RALGAPA2: variants seen among roughly 807,000 people sequenced by gnomAD.
RALGAPA2 encodes the protein Ral GTPase activating protein catalytic subunit alpha 2.
In RALGAPA2, 139 loss-of-function variants were observed where a neutral mutation model predicts 230.4. The ratio of observed to expected loss-of-function variants is 0.60; its 90% CI spans 0.53 to 0.69. RALGAPA2 has a LOEUF of 0.69. Among genes scored for constraint, RALGAPA2 ranks in the 30% least tolerant of loss-of-function variants. The pLI is 0.00. For synonymous variants in RALGAPA2, 847 were observed against 837.8 expected, an observed-to-expected ratio of 1.01 and a Z score of -0.19; for missense variants, 2,163 against 2,276.0, an observed-to-expected ratio of 0.95 and a Z score of 1.01.
Position 20,571,496 on chromosome 20 carries a change from A to G in RALGAPA2, c.3118T>C (p.Tyr1040His). 6.2e-7 allele frequency: 1 copy of G among 1,612,790 alleles called. No homozygotes were observed. Among genetic ancestry groups the G allele is most frequent in the Non-Finnish European group, 8.5e-7 (1 of 1,179,548 alleles). The change falls in exon 23 of 40, where the codon TAC becomes CAC. Residue 1040 changes from tyrosine to histidine, a missense_variant. By Grantham distance (83) the Tyr-to-His change is moderately conservative. Coordinates refer to ENST00000202677, the MANE Select transcript of RALGAPA2 (RefSeq NM_020343.4). ...GTTAATCCCAGGTGCATCACAAGGT[A>G]AAAATGCACCAGGAAATCTGAGTTT... is the stretch of plus-strand genomic sequence containing the variant. ...LPNSDFLVHF[Y>H]LVMHLGLTSE...
rs531156200 is a variant in RALGAPA2 at position 20,607,268 on chromosome 20, A to C, written c.1801-1856T>G. ...AGACAGGCCTATTCTGACCACCTGG[A>C]AAATCTTATTTAAAGTGGTCCTTCT... On this transcript the variant is annotated intron_variant, in intron 14 of 39. Transcript: ENST00000202677. Among the ~76,000 whole-genome samples, 15 of 152,338 alleles carry C rather than the reference A, an allele frequency of 9.8e-5. No individual in the cohort carries two copies. In the South Asian group the frequency reaches 3.1e-3, roughly 32 times the overall value.
At chr20:20,445,995 T>C (rs2060852469) in intron 37 of RALGAPA2, among the ~76,000 whole-genome samples, 1 of 152,178 alleles carries the variant, frequency 6.6e-6, no homozygotes, top group African/African-American at 2.4e-5. Context: ...CATAGTCCAT[T>C]TTCTTCTTAG....
At chr20:20,519,862 C>G (rs1277102781) in intron 31 of RALGAPA2, among the ~76,000 whole-genome samples, 1 of 152,072 alleles carries the variant, frequency 6.6e-6, no homozygotes, top group Non-Finnish European at 1.5e-5. Flanking sequence ...ACACTTCACA[C>G]CTACATCTCT....
At chr20:20,448,010 G>T (rs1458944899) in intron 37 of RALGAPA2, among the ~76,000 whole-genome samples, 2 of 152,066 alleles carry the variant, frequency 1.3e-5, no homozygotes, top group Non-Finnish European at 2.9e-5. Flanking sequence ...TGGAACATGG[G>T]GTACTTAATG....
intron 1 of RALGAPA2, among the ~76,000 whole-genome samples, chr20:20,705,662 GTTGTTTTGTT>G (rs550201915): frequency 2.0e-5 from 3 of 151,854 alleles, no homozygotes; most frequent in South Asian, 2.1e-4. Context: ...TGTTGTTGTT[GTTGTTTTGTT>G]TTGTTTTGTT....
intron 36 of RALGAPA2, among the ~76,000 whole-genome samples, chr20:20,482,822 G>A (rs2061811585): frequency 1.3e-5 from 2 of 152,166 alleles, no homozygotes; most frequent in African/African-American, 4.8e-5. Flanking sequence ...GTACGGAAAT[G>A]CATACAGATA....
intron 35 of RALGAPA2, among the ~76,000 whole-genome samples, chr20:20,500,138 C>T (rs979902057): frequency 6.6e-6 from 1 of 152,054 alleles, no homozygotes; most frequent in Non-Finnish European, 1.5e-5. Flanking sequence ...AGGGTTTTGC[C>T]TTGATGTTGT....
At chr20:20,549,683 CAAA>C (rs1194441751) in intron 23 of RALGAPA2, among the ~76,000 whole-genome samples, 2 of 152,166 alleles carry the variant, frequency 1.3e-5, no homozygotes, top group East Asian at 1.9e-4. Context: ...ACGTGGTACT[CAAA>C]GAAGAGCCGC....
At chr20:20,426,694 C>T (rs562272963) in intron 37 of RALGAPA2, among the ~76,000 whole-genome samples, 40 of 152,302 alleles carry the variant, frequency 2.6e-4, no homozygotes, top group African/African-American at 7.0e-4. Flanking sequence ...ACACAGCATA[C>T]GGGATGCCCT....
At chr20:20,505,014 T>G in intron 34 of RALGAPA2, 1 of 985,148 alleles carries the variant, frequency 1.0e-6, no homozygotes, top group Non-Finnish European at 1.2e-6. Context: ...ATTGCAACTT[T>G]TGACTTCATC....
chr20:20,595,861 T>C (rs931927870), intron 16 of RALGAPA2, among the ~76,000 whole-genome samples: 1 of 151,876 alleles, frequency 6.6e-6, no homozygotes, highest in Non-Finnish European at 1.5e-5. Flanking sequence ...AGCAGGAGAA[T>C]TGCTTGAACT....
chr20:20,502,348 G>A (rs986011761), intron 35 of RALGAPA2, among the ~76,000 whole-genome samples: 1 of 152,192 alleles, frequency 6.6e-6, no homozygotes, highest in Non-Finnish European at 1.5e-5. Flanking sequence ...GGCTAACGGG[G>A]CAGGGGGAAA....
At chr20:20,704,340 C>T (rs189482745) in intron 1 of RALGAPA2, among the ~76,000 whole-genome samples, 2 of 152,288 alleles carry the variant, frequency 1.3e-5, no homozygotes, top group Non-Finnish European at 2.9e-5. Flanking sequence ...CCTATATAAA[C>T]TCAAATTCCT....
At chr20:20,439,322 C>CCCA (rs897973741) in intron 37 of RALGAPA2, among the ~76,000 whole-genome samples, 5 of 152,116 alleles carry the variant, frequency 3.3e-5, no homozygotes, top group African/African-American at 1.2e-4. Context: ...AAGCGATCCT[C>CCCA]CCACCTCAGC....
chr20:20,693,725 AC>A (rs1208413929), intron 1 of RALGAPA2, among the ~76,000 whole-genome samples: 1 of 152,072 alleles, frequency 6.6e-6, no homozygotes, highest in African/African-American at 2.4e-5. Flanking sequence ...TACCATTCTT[AC>A]CCCCACTAGA....
intron 9 of RALGAPA2, among the ~76,000 whole-genome samples, chr20:20,631,027 A>G (rs373062111): frequency 1.3e-5 from 2 of 152,286 alleles, no homozygotes; most frequent in Admixed American, 6.5e-5. Context: ...TTTCATCTAC[A>G]TGGACTGTAT....
At chr20:20,504,656 G>T (rs1430633209) in intron 34 of RALGAPA2, among the ~76,000 whole-genome samples, 2 of 152,068 alleles carry the variant, frequency 1.3e-5, no homozygotes, top group Non-Finnish European at 2.9e-5. Flanking sequence ...AACCCGGGAG[G>T]TGGAGGTTGC....
chr20:20,678,692 T>C (rs573343132), intron 2 of RALGAPA2, among the ~76,000 whole-genome samples: 7 of 152,180 alleles, frequency 4.6e-5, no homozygotes, highest in African/African-American at 1.7e-4. Flanking sequence ...CTCAATAACC[T>C]TCCCGTGACC....
rs181459702 is a variant in RALGAPA2, at chr20:20,585,887, C to T, written c.2440-932G>A. ...AGAGTTAAAAGAAAAAAAAGAATGC[C>T]CCACAAATGTTGACCATGGCAAAAC... On this transcript the variant is annotated intron_variant, in intron 18 of 39. Transcript: ENST00000202677. 4.0e-5 allele frequency among the ~76,000 whole-genome samples: 6 copies of T among 151,664 alleles called. No individual in the cohort carries two copies. The East Asian group carries it at 7.8e-4, about 20-fold the overall frequency.
Sources: gnomAD v4.1 joint callset for allele counts (sites outside exome capture counted in the v4.1 genomes callset) on GRCh38, gnomAD v4.1.1 for gene constraint, MANE v1.5 for transcripts, NCBI Gene and HGNC (gene_info 2026-07-23, HGNC 2026-07-21) for gene names.